The following FUBP1 variants were observed in gnomAD, a reference collection of about 807,000 sequenced individuals.
The protein encoded by FUBP1 is far upstream element-binding protein 1.
A neutral mutation model predicts 94.9 loss-of-function variants in FUBP1; 16 were observed. The ratio of observed to expected loss-of-function variants is 0.17; its 90% CI spans 0.11 to 0.26. The LOEUF is 0.26. FUBP1 is among the 10% of genes least tolerant of loss of function. The probability of loss-of-function intolerance (pLI) is 1.00; values close to 1 mark genes in which losing one functional copy is unlikely to be tolerated. For missense variants in FUBP1, 583 were observed against 808.6 expected (o/e 0.72, Z 3.38); for synonymous variants, 279 against 254.9 (o/e 1.09, Z -0.90).
At chr1:77,959,825 C>A (rs980509350) in intron 16 of FUBP1, among the ~76,000 whole-genome samples, 1 of 152,218 alleles carries the variant, frequency 6.6e-6, no homozygotes, top group African/African-American at 2.4e-5. Context: ...CTATCACATA[C>A]TTTTCTAAAT....
chr1:77,967,196 C>A, intron 4 of FUBP1, 95 bp from the exon 5 acceptor site: 1 of 751,254 alleles, frequency 1.3e-6, no homozygotes, highest in South Asian at 1.8e-5. Flanking sequence ...AGTCTAATGT[C>A]TCCCAATGGC....
rs151051327 is a variant in FUBP1, at chr1:77,955,245, T to C, written c.1780+10A>G. ...TAAGTATGTATTTTCAAGAAATGTA[T>C]AAAACATACCCATTTTCTTGTAGTA... is the stretch of plus-strand genomic sequence containing the variant. On this transcript the variant is annotated intron_variant, in intron 18 of 19. Transcript: ENST00000370768. 341 of 1,166,002 alleles carry C rather than the reference T, an allele frequency of 2.9e-4. 1 individual carries two copies. The East Asian group carries it at 7.6e-3, about 26-fold the overall frequency. 72.2% of individuals were successfully genotyped at this position (1,166,002 alleles called of 1,614,324 possible). A position where few individuals can be genotyped will look rare whatever the true frequency, so the allele number is the denominator to read the frequency against.
At position 77,964,893 on chromosome 1, in the gene FUBP1, T is replaced by C; in HGVS notation, c.712A>G (p.Thr238Ala). 1 of 1,608,808 alleles carries C rather than the reference T, an allele frequency of 6.2e-7. No individual in the cohort carries two copies. The highest frequency in any genetic ancestry group is 8.5e-7 in the Non-Finnish European group (1 of 1,175,166). Residue 238 changes from threonine to alanine, a missense_variant, in exon 9 of 20, where the codon ACA becomes GCA. By Grantham distance (58) the Thr-to-Ala change is moderately conservative. Transcript: ENST00000370768. Reference protein sequence around the residue: ...NTGADKPLRITGDPYKVQQAK... With the variant: ...NTGADKPLRIAGDPYKVQQAK... Reference sequence around the variant, plus strand: ...ACTTGAACTTTATATGGGTCTCCTGTAATCCTAAGAGGTTTGTCAGCACCA... The same window carrying C: ...ACTTGAACTTTATATGGGTCTCCTGCAATCCTAAGAGGTTTGTCAGCACCA...
upstream of FUBP1, chr1:77,979,087 C>A: frequency 8.3e-7 from 1 of 1,204,838 alleles, no homozygotes; most frequent in Non-Finnish European, 1.2e-6. Context: ...TGGCGGCCGT[C>A]GAAGCTCTAT....
chr1:77,971,240 C>T (rs1657481908), intron 1 of FUBP1, among the ~76,000 whole-genome samples: 1 of 152,148 alleles, frequency 6.6e-6, no homozygotes, highest in Non-Finnish European at 1.5e-5. Flanking sequence ...GCTGTACATT[C>T]ATTATTGATG....
In FUBP1 at chr1:77,961,332, A is replaced by G. The variant is rs541246709; in HGVS notation, c.1345-837T>C. ...TCTCACTGCAAAATAGGGAAACTAA[A>G]CTTCATGACCTTTAAAGTTCTTTTT... On this transcript the variant is annotated intron_variant, in intron 14 of 19. Transcript: ENST00000370768. Among the ~76,000 whole-genome samples the G allele has an allele frequency of 9.2e-5, 14 of 152,308 alleles. No homozygotes were observed. The South Asian group carries it at 2.9e-3, about 32-fold the overall frequency.
chr1:77,968,996 C>A (rs1267817832), intron 2 of FUBP1: 3 of 910,552 alleles, frequency 3.3e-6, no homozygotes, highest in Non-Finnish European at 4.8e-6. Context: ...ACATACTGAA[C>A]ACAGGTAATA....
At position 77,966,625 on chromosome 1, in the gene FUBP1, A is replaced by G. The variant is rs1318953051; in HGVS notation, c.473+69T>C. On this transcript the variant is annotated intron_variant, in intron 7 of 19. Coordinates refer to ENST00000370768, the MANE Select transcript of FUBP1 (RefSeq NM_003902.5). ...AGTGTAAAATAAAGCAGTAACAAAG[A>G]GAAGAGACAAAATTCAAAGAGTTCT... 5 of 813,828 alleles carry G rather than the reference A, an allele frequency of 6.1e-6. No homozygotes were observed. In the East Asian group the frequency reaches 9.7e-5, roughly 16 times the overall value. The allele number at this position is 813,828 out of a possible 1,614,324, so 50.4% of individuals were successfully genotyped here.
rs1289680296 is a variant in FUBP1, at chr1:77,944,145, G to A, written c.*4621C>T. The A allele has an allele frequency of 1.0e-5, 2 of 192,768 alleles. No homozygotes were observed. The highest frequency in any genetic ancestry group is 2.2e-5 in the Non-Finnish European group (2 of 92,164). 11.9% of individuals were successfully genotyped at this position (192,768 alleles called of 1,614,324 possible). ...ACCTTTTACATACAATGTCATTAAAGCAAACTCTAAACCACAGTTGTAAAG... is the reference window on the plus strand; with the variant it reads ...ACCTTTTACATACAATGTCATTAAAACAAACTCTAAACCACAGTTGTAAAG... On this transcript the variant is annotated 3_prime_UTR_variant, in exon 20 of 20. Transcript: ENST00000370768.
In FUBP1 at chr1:77,964,885, G is replaced by T; in HGVS notation, c.720C>A (p.Asp240Glu). The T allele has an allele frequency of 6.2e-7, 1 of 1,603,928 alleles. No individual in the cohort carries two copies. Among genetic ancestry groups the T allele is most frequent in the Non-Finnish European group, 8.5e-7 (1 of 1,170,750 alleles). ...GADKPLRITG[D>E]PYKVQQAKEM... ...TTAAGTTTACTTGAACTTTATATGGGTCTCCTGTAATCCTAAGAGGTTTGT... is the reference window on the plus strand; with the variant it reads ...TTAAGTTTACTTGAACTTTATATGGTTCTCCTGTAATCCTAAGAGGTTTGT... The change falls in exon 9 of 20, where the codon GAC becomes GAA. Residue 240 changes from aspartate to glutamate, a missense_variant. Asp to Glu is a conservative substitution (Grantham distance 45). Transcript: ENST00000370768.
chr1:77,978,169 C>T (rs1297665075), intron 1 of FUBP1, among the ~76,000 whole-genome samples: 3 of 152,250 alleles, frequency 2.0e-5, no homozygotes, highest in African/African-American at 7.2e-5. Flanking sequence ...ACTATTTTAA[C>T]AGCTTTCGTC....
At chr1:77,967,809 A>G (rs535906639) in intron 3 of FUBP1, 143 bp from the exon 4 acceptor site, 3 of 578,632 alleles carry the variant, frequency 5.2e-6, no homozygotes, top group East Asian at 5.7e-5. Flanking sequence ...TTTTTTACAC[A>G]ATATTTATAT....
At chr1:77,973,697 T>C (rs946691878) in intron 1 of FUBP1, among the ~76,000 whole-genome samples, 1 of 152,032 alleles carries the variant, frequency 6.6e-6, no homozygotes, top group African/African-American at 2.4e-5. Flanking sequence ...AATCCAAGAA[T>C]TTGGGAGTTG....
At position 77,959,650 on chromosome 1, in the gene FUBP1, C is replaced by A. The variant is rs562181948; in HGVS notation, c.1576+534G>T. On this transcript the variant is annotated intron_variant, in intron 16 of 19. Transcript: ENST00000370768. The stretch of plus-strand genomic sequence containing the variant: ...TCTAGAACTTCTAGGCTCAAGCAAT[C>A]CTCCCACCTCAGCCTCAAGTACAGG... 3.2e-4 allele frequency among the ~76,000 whole-genome samples: 48 copies of A among 152,094 alleles called. 1 individual carries two copies. Among genetic ancestry groups the A allele is most frequent in the Middle Eastern group, 3.4e-3 (1 of 294 alleles).
At chr1:77,972,594 CAA>C (rs59360608) in intron 1 of FUBP1, among the ~76,000 whole-genome samples, 250 of 122,146 alleles carry the variant, frequency 2.0e-3, no homozygotes, top group Middle Eastern at 4.5e-3. Context: ...ACTAAAAATA[CAA>C]AAAAAAAAAA....
chr1:77,954,063 G>GAT (rs1278248184), intron 18 of FUBP1, among the ~76,000 whole-genome samples: 27 of 152,126 alleles, frequency 1.8e-4, no homozygotes, highest in Non-Finnish European at 5.9e-5. Flanking sequence ...TGTGTTCAAG[G>GAT]AATCCTTCCA....
chr1:77,954,516 A>G, intron 18 of FUBP1, among the ~76,000 whole-genome samples: 1 of 152,214 alleles, frequency 6.6e-6, no homozygotes, highest in Non-Finnish European at 1.5e-5. Flanking sequence ...GAAGATTAAA[A>G]TCATCACCTT....
chr1:77,978,053 A>C (rs1411826466), intron 1 of FUBP1, among the ~76,000 whole-genome samples: 1 of 152,258 alleles, frequency 6.6e-6, no homozygotes, highest in Non-Finnish European at 1.5e-5. Context: ...GCTTACATGC[A>C]AATCTATACC....
chr1:77,972,004 CAAAAAA>C (rs60606700), intron 1 of FUBP1, among the ~76,000 whole-genome samples: 1 of 84,146 alleles, frequency 1.2e-5, no homozygotes, highest in Non-Finnish European at 2.7e-5. Context: ...GACTCTGTCT[CAAAAAA>C]AAAAAAAAAA....
Sources: allele counts gnomAD v4.1 joint callset (sites outside exome capture counted in the v4.1 genomes callset), GRCh38; gene constraint gnomAD v4.1.1; transcripts MANE v1.5; gene names NCBI Gene and HGNC (gene_info 2026-07-23, HGNC 2026-07-21).